ZNF407: variants seen among roughly 807,000 people sequenced by gnomAD.
The protein encoded by ZNF407 is zinc finger protein 407.
ZNF407 carries 17 observed loss-of-function variants against 131.2 expected under a neutral mutation model. The ratio of observed to expected loss-of-function variants is 0.13; its 90% CI spans 0.09 to 0.19. The LOEUF is 0.19. Among genes scored for constraint, ZNF407 ranks in the 10% least tolerant of loss-of-function variants. ZNF407 has a pLI of 1.00. For synonymous variants in ZNF407, 1,156 were observed against 1,062.0 expected (o/e 1.09, Z -1.72); for missense variants, 2,681 against 2,830.6 (o/e 0.95, Z 1.20).
At chr18:75,011,623 T>A (rs192127109) in intron 8 of ZNF407, among the ~76,000 whole-genome samples, 5 of 152,250 alleles carry the variant, frequency 3.3e-5, no homozygotes, top group African/African-American at 1.2e-4. Flanking sequence ...AAAACACTTG[T>A]CAGTATTTAA....
Position 75,064,544 on chromosome 18 carries a change from C to G in ZNF407, c.*76C>G. 2 of 1,289,600 alleles carry G rather than the reference C, an allele frequency of 1.6e-6. No homozygotes were observed. Among genetic ancestry groups the G allele is most frequent in the South Asian group, 3.3e-5 (2 of 60,624 alleles). The allele number at this position is 1,289,600 out of a possible 1,614,324, so 79.9% of individuals were successfully genotyped here. A position where few individuals can be genotyped will look rare whatever the true frequency, so the allele number is the denominator to read the frequency against. On this transcript the variant is annotated 3_prime_UTR_variant, in exon 9 of 9. Transcript: ENST00000299687. ...TCGGTGGGGGACCGTGTTCCCTGAGCTTCATCTGAAACCTTCAAAACCATG... is the reference window on the plus strand; with the variant it reads ...TCGGTGGGGGACCGTGTTCCCTGAGGTTCATCTGAAACCTTCAAAACCATG...
intron 3 of ZNF407, among the ~76,000 whole-genome samples, chr18:74,664,356 G>A (rs1432057984): frequency 6.6e-6 from 1 of 152,148 alleles, no homozygotes. Context: ...AACATTAGCC[G>A]TGGTGGCAGG....
intron 8 of ZNF407, among the ~76,000 whole-genome samples, chr18:74,944,595 A>C (rs1303027088): frequency 6.6e-6 from 1 of 152,214 alleles, no homozygotes; most frequent in Non-Finnish European, 1.5e-5. Flanking sequence ...TTTTAATATG[A>C]AACATAAGAA....
intron 4 of ZNF407, among the ~76,000 whole-genome samples, chr18:74,848,464 G>T (rs1376654041): frequency 6.6e-6 from 1 of 152,180 alleles, no homozygotes; most frequent in Non-Finnish European, 1.5e-5. Context: ...ATGGGCATGT[G>T]GGCAAGATGA....
At chr18:74,790,410 A>T (rs1969803912) in intron 4 of ZNF407, among the ~76,000 whole-genome samples, 1 of 152,224 alleles carries the variant, frequency 6.6e-6, no homozygotes, top group South Asian at 2.1e-4. Flanking sequence ...TAATTTTTAA[A>T]GGATTTTCCT....
At chr18:74,963,219 A>G (rs1229976694) in intron 8 of ZNF407, among the ~76,000 whole-genome samples, 1 of 146,776 alleles carries the variant, frequency 6.8e-6, no homozygotes, top group African/African-American at 2.5e-5. Flanking sequence ...TGGGTTATGC[A>G]TTGCCTTTAA....
chr18:75,064,599 G>A lies in ZNF407; in HGVS notation c.*131G>A, dbSNP rs1019515146. 2 of 857,014 alleles carry A rather than the reference G, an allele frequency of 2.3e-6. No homozygotes were observed. The highest frequency in any genetic ancestry group is 3.4e-6 in the Non-Finnish European group (2 of 592,196). 53.1% of individuals were successfully genotyped at this position (857,014 alleles called of 1,614,324 possible). Reference sequence around the variant, plus strand: ...CAAGGCTCCCGTGAGCTCTGAGCATGCCCTCCCAGCGAGAGTCACACTGGC... The same window carrying A: ...CAAGGCTCCCGTGAGCTCTGAGCATACCCTCCCAGCGAGAGTCACACTGGC... On this transcript the variant is annotated 3_prime_UTR_variant, in exon 9 of 9. Coordinates refer to ENST00000299687, the MANE Select transcript of ZNF407 (RefSeq NM_017757.3).
At chr18:74,882,588 T>A (rs1049655012) in intron 6 of ZNF407, among the ~76,000 whole-genome samples, 2 of 152,240 alleles carry the variant, frequency 1.3e-5, no homozygotes, top group Non-Finnish European at 2.9e-5. Flanking sequence ...TGAATATGAT[T>A]CAGATTTTCA....
At chr18:74,776,374 T>TA (rs1969471893) in intron 3 of ZNF407, among the ~76,000 whole-genome samples, 2 of 152,330 alleles carry the variant, frequency 1.3e-5, no homozygotes, top group East Asian at 1.9e-4. Context: ...CTGAGTCCTG[T>TA]AAGCATTTTC....
At chr18:74,846,937 T>C (rs1326198939) in intron 4 of ZNF407, among the ~76,000 whole-genome samples, 1 of 151,746 alleles carries the variant, frequency 6.6e-6, no homozygotes, top group Non-Finnish European at 1.5e-5. Flanking sequence ...GAGGTTGCAG[T>C]GAGCCAAGAT....
intron 4 of ZNF407, among the ~76,000 whole-genome samples, chr18:74,868,787 T>G (rs1046641930): frequency 1.2e-4 from 19 of 152,238 alleles, no homozygotes; most frequent in Non-Finnish European, 1.5e-5. Flanking sequence ...TATTGACCCT[T>G]TTTCTGAACA....
chr18:74,911,950 A>G (rs114665238), intron 7 of ZNF407, among the ~76,000 whole-genome samples: 2,289 of 152,250 alleles, frequency 0.015, 56 homozygotes, highest in African/African-American at 0.051. Context: ...TCTGTTGTCT[A>G]GAGTCTCTTT....
At chr18:74,739,833 G>T (rs1309045981) in intron 3 of ZNF407, among the ~76,000 whole-genome samples, 1 of 152,068 alleles carries the variant, frequency 6.6e-6, no homozygotes, top group Non-Finnish European at 1.5e-5. Flanking sequence ...CACGGAATTA[G>T]GGGAAATTCT....
At chr18:74,914,862 G>A (rs537773945) in intron 7 of ZNF407, among the ~76,000 whole-genome samples, 2 of 152,244 alleles carry the variant, frequency 1.3e-5, no homozygotes, top group East Asian at 3.9e-4. Context: ...AATCCCCAGG[G>A]AAACTGCTCA....
At chr18:74,688,012 T>A (rs1202398157) in intron 3 of ZNF407, among the ~76,000 whole-genome samples, 3 of 152,182 alleles carry the variant, frequency 2.0e-5, no homozygotes, top group Non-Finnish European at 4.4e-5. Flanking sequence ...ATAATAGAAC[T>A]GACCTGCACT....
chr18:74,826,288 G>A (rs1036532919), intron 4 of ZNF407, among the ~76,000 whole-genome samples: 2 of 152,190 alleles, frequency 1.3e-5, no homozygotes, highest in African/African-American at 4.8e-5. Flanking sequence ...AGGAGAGAGA[G>A]AGAGAGGAGA....
At chr18:74,726,922 AT>A (rs1192305377) in intron 3 of ZNF407, among the ~76,000 whole-genome samples, 1 of 152,138 alleles carries the variant, frequency 6.6e-6, no homozygotes, top group Non-Finnish European at 1.5e-5. Flanking sequence ...AGGTGAGAAG[AT>A]CTTTAGACAT....
At chr18:74,983,386 G>A (rs1972615735) in intron 8 of ZNF407, among the ~76,000 whole-genome samples, 1 of 152,274 alleles carries the variant, frequency 6.6e-6, no homozygotes, top group South Asian at 2.1e-4. Context: ...CTAAAGAAGT[G>A]TTCACTTTGT....
At chr18:74,719,913 C>G (rs1008837041) in intron 3 of ZNF407, among the ~76,000 whole-genome samples, 4 of 152,150 alleles carry the variant, frequency 2.6e-5, no homozygotes, top group African/African-American at 9.7e-5. Context: ...TGTTGTTGGG[C>G]ACCTTTATGT....
Sources: allele counts gnomAD v4.1 joint callset (sites outside exome capture counted in the v4.1 genomes callset), GRCh38; gene constraint gnomAD v4.1.1; transcripts MANE v1.5; gene names NCBI Gene and HGNC (gene_info 2026-07-23, HGNC 2026-07-21).